The following CCSER1 variants were observed in gnomAD, a reference collection of about 807,000 sequenced individuals.
CCSER1 encodes the protein coiled-coil serine rich protein 1.
A neutral mutation model predicts 82.0 loss-of-function variants in CCSER1; 41 were observed. That is an observed-to-expected ratio of 0.50 (90% CI 0.39 to 0.65). The LOEUF (loss-of-function observed/expected upper bound fraction) is 0.65. Among genes scored for constraint, CCSER1 ranks in the 30% least tolerant of loss-of-function variants. CCSER1 has a pLI of 0.00. For synonymous variants in CCSER1, 414 were observed against 383.9 expected (o/e 1.08, Z -0.92); for missense variants, 1,119 against 1,064.2 (o/e 1.05, Z -0.72).
intron 6 of CCSER1, among the ~76,000 whole-genome samples, chr4:90,631,179 C>T (rs545145530): frequency 1.4e-4 from 22 of 152,150 alleles, no homozygotes; most frequent in East Asian, 3.9e-4. Flanking sequence ...AGGCATGAGC[C>T]GCCGCACCTG....
At chr4:91,452,447 T>G (rs1352289310) in intron 10 of CCSER1, among the ~76,000 whole-genome samples, 1 of 152,016 alleles carries the variant, frequency 6.6e-6, no homozygotes, top group African/African-American at 2.4e-5. Flanking sequence ...ACTTGTCATT[T>G]GTAGAGTACC....
chr4:91,065,151 T>G (rs745997610), intron 9 of CCSER1, among the ~76,000 whole-genome samples: 1 of 152,102 alleles, frequency 6.6e-6, no homozygotes, highest in Non-Finnish European at 1.5e-5. Flanking sequence ...TCCAAAGGAT[T>G]AAGGAAGTAT....
chr4:91,558,602 C>T (rs143358029), intron 10 of CCSER1, among the ~76,000 whole-genome samples: 24 of 151,578 alleles, frequency 1.6e-4, no homozygotes, highest in African/African-American at 4.8e-4. Flanking sequence ...TTGGACTTAC[C>T]GTTCCACATG....
At position 91,543,340 on chromosome 4, in the gene CCSER1, CATT is replaced by C. The variant is rs549737998; in HGVS notation, c.2218-55229_2218-55227del. The stretch of plus-strand genomic sequence containing the variant: ...TTGTTATGTGTGAATTTGTTCCTGT[CATT>C]ATGATGTTAGCTGGTTATTTTGCTT... On this transcript the variant is annotated intron_variant, in intron 10 of 10. Coordinates refer to ENST00000509176, the MANE Select transcript of CCSER1 (RefSeq NM_001145065.2). Among the ~76,000 whole-genome samples the C allele has an allele frequency of 3.0e-3, 454 of 152,272 alleles. 5 individuals are homozygous for C. The highest frequency in any genetic ancestry group is 9.9e-3 in the African/African-American group (413 of 41,552).
intron 8 of CCSER1, among the ~76,000 whole-genome samples, chr4:90,882,443 G>A (rs1014276440): frequency 1.3e-5 from 2 of 151,920 alleles, no homozygotes; most frequent in Non-Finnish European, 2.9e-5. Flanking sequence ...TTTATACTGG[G>A]CATTTTTTTC....
chr4:91,478,663 T>TA (rs895041952), intron 10 of CCSER1, among the ~76,000 whole-genome samples: 3 of 151,352 alleles, frequency 2.0e-5, no homozygotes, highest in African/African-American at 7.3e-5. Flanking sequence ...TGATTTTTTT[T>TA]AAATGTCAAA....
At chr4:91,516,968 A>G (rs1760160980) in intron 10 of CCSER1, among the ~76,000 whole-genome samples, 1 of 152,104 alleles carries the variant, frequency 6.6e-6, no homozygotes, top group South Asian at 2.1e-4. Context: ...GCAGTTATAA[A>G]TGGCATTGCC....
At chr4:91,352,175 T>C (rs1436361200) in intron 10 of CCSER1, among the ~76,000 whole-genome samples, 1 of 152,266 alleles carries the variant, frequency 6.6e-6, no homozygotes, top group African/African-American at 2.4e-5. Context: ...TAGATTATTC[T>C]CTAAAGATTG....
chr4:91,404,226 T>C (rs1226074132), intron 10 of CCSER1, among the ~76,000 whole-genome samples: 1 of 152,198 alleles, frequency 6.6e-6, no homozygotes, highest in Non-Finnish European at 1.5e-5. Flanking sequence ...TGTATTTCTG[T>C]GTGATCGGTG....
chr4:91,348,277 A>T (rs1748208209), intron 10 of CCSER1, among the ~76,000 whole-genome samples: 1 of 152,148 alleles, frequency 6.6e-6, no homozygotes, highest in Admixed American at 6.5e-5. Context: ...GTGAGGGATT[A>T]TAGTAATTGA....
chr4:90,161,632 T>C (rs1160805566), intron 1 of CCSER1, among the ~76,000 whole-genome samples: 1 of 152,078 alleles, frequency 6.6e-6, no homozygotes, highest in Admixed American at 6.6e-5. Context: ...AGATAGTATA[T>C]ATAAAAATCT....
intron 1 of CCSER1, among the ~76,000 whole-genome samples, chr4:90,162,443 A>C (rs114162397): frequency 1.7e-4 from 26 of 152,276 alleles, no homozygotes; most frequent in Non-Finnish European, 3.2e-4. Context: ...AAATAAGTAT[A>C]TAAAAATTAG....
chr4:90,624,819 C>T (rs903911055), intron 5 of CCSER1, among the ~76,000 whole-genome samples: 3 of 152,136 alleles, frequency 2.0e-5, no homozygotes, highest in African/African-American at 7.2e-5. Flanking sequence ...TTGGTTAGCA[C>T]TCATAAGCAA....
intron 10 of CCSER1, among the ~76,000 whole-genome samples, chr4:91,197,479 C>A (rs1270396492): frequency 6.6e-6 from 1 of 152,030 alleles, no homozygotes; most frequent in African/African-American, 2.4e-5. Flanking sequence ...AAATGTAGCT[C>A]GTGTGCCTGA....
chr4:90,935,312 G>A lies in CCSER1; in HGVS notation c.2172+11865G>A, dbSNP rs149727777. On this transcript the variant is annotated intron_variant, in intron 9 of 10. Coordinates refer to ENST00000509176, the MANE Select transcript of CCSER1 (RefSeq NM_001145065.2). ...TCTCACTCTATGAGTTCCTGAGAGA[G>A]CAGTCACCTCCCTGCTGTCTCTCCT... Among the ~76,000 whole-genome samples, 102 of 152,108 alleles carry A rather than the reference G, an allele frequency of 6.7e-4. 1 individual carries two copies. The highest frequency in any genetic ancestry group is 2.3e-3 in the African/African-American group (94 of 41,502).
At position 90,747,697 on chromosome 4, in the gene CCSER1, G is replaced by T. The variant is rs150144467; in HGVS notation, c.2010+23706G>T. On this transcript the variant is annotated intron_variant, in intron 7 of 10. Transcript: ENST00000509176. ...TTTAAGTTTTAGGGTACATATGCACGATGTGCAGGTTAGTTACATATGTAT... is the reference window on the plus strand; with the variant it reads ...TTTAAGTTTTAGGGTACATATGCACTATGTGCAGGTTAGTTACATATGTAT... Among the ~76,000 whole-genome samples the T allele has an allele frequency of 5.9e-3, 880 of 150,424 alleles. 8 individuals carry two copies. The highest frequency in any genetic ancestry group is 0.02 in the African/African-American group (836 of 40,824).
intron 10 of CCSER1, among the ~76,000 whole-genome samples, chr4:91,547,782 T>G (rs1278667853): frequency 6.6e-6 from 1 of 152,040 alleles, no homozygotes; most frequent in Non-Finnish European, 1.5e-5. Flanking sequence ...GAGTTTTTTG[T>G]TTTTTTGTTT....
chr4:90,143,243 G>C lies in CCSER1; in HGVS notation c.-42+15412G>C, dbSNP rs80007685. 4.0e-3 allele frequency among the ~76,000 whole-genome samples: 604 copies of C among 152,102 alleles called. 8 individuals carry two copies. The highest frequency in any genetic ancestry group is 0.013 in the African/African-American group (536 of 41,494). ...CCTGGAATGGTCTCCCATTCCTGCC[G>C]TATTAAGCCAATTTCTTCTCAAGCT... On this transcript the variant is annotated intron_variant, in intron 1 of 10. Transcript: ENST00000509176.
At chr4:91,214,706 C>T (rs542164897) in intron 10 of CCSER1, among the ~76,000 whole-genome samples, 22 of 152,270 alleles carry the variant, frequency 1.4e-4, no homozygotes, top group African/African-American at 5.1e-4. Flanking sequence ...ATTATCTGTT[C>T]TAGAAGTAAT....
Sources: gnomAD v4.1 joint callset for allele counts (sites outside exome capture counted in the v4.1 genomes callset) on GRCh38, gnomAD v4.1.1 for gene constraint, MANE v1.5 for transcripts, NCBI Gene and HGNC (gene_info 2026-07-23, HGNC 2026-07-21) for gene names.